The following CHURC1 variants were observed in gnomAD, a reference collection of about 807,000 sequenced individuals.
CHURC1 encodes the protein protein Churchill.
CHURC1 carries 12 observed loss-of-function variants against 15.4 expected under a neutral mutation model. That is an observed-to-expected ratio of 0.78 (90% CI 0.50 to 1.27). The LOEUF is 1.27. Among genes scored for constraint, CHURC1 ranks in the 50% most tolerant of loss-of-function variants. CHURC1 has a pLI of 0.00. For synonymous variants in CHURC1, 42 were observed against 47.5 expected (o/e 0.88, Z 0.48); for missense variants, 132 against 137.8 (o/e 0.96, Z 0.21).
At chr14:64,921,459 C>G (rs901923551) in intron 1 of CHURC1, among the ~76,000 whole-genome samples, 2 of 138,964 alleles carry the variant, frequency 1.4e-5, no homozygotes, top group Non-Finnish European at 3.1e-5. Flanking sequence ...ATATAAAGAA[C>G]TCTTACAACT....
intron 3 of CHURC1, among the ~76,000 whole-genome samples, chr14:64,930,160 C>T (rs765156448): frequency 9.2e-5 from 14 of 152,154 alleles, no homozygotes; most frequent in Admixed American, 9.2e-4. Flanking sequence ...GGTAATTCCG[C>T]CCACTCTGCT....
Position 64,933,565 on chromosome 14 carries a change from A to G in CHURC1, c.*1335A>G. ...GGACTAACAAAAATTGATATAATACATTCATCACAGTATTGTTAGGAGATT... is the reference window on the plus strand; with the variant it reads ...GGACTAACAAAAATTGATATAATACGTTCATCACAGTATTGTTAGGAGATT... On this transcript the variant is annotated 3_prime_UTR_variant, in exon 4 of 4. Transcript: ENST00000549115. 2.1e-6 allele frequency: 2 copies of G among 974,948 alleles called. No individual in the cohort carries two copies. Among genetic ancestry groups the G allele is most frequent in the Non-Finnish European group, 1.2e-6 (1 of 820,492 alleles). The allele number at this position is 974,948 out of a possible 1,614,324, so 60.4% of individuals were successfully genotyped here.
rs1555383575 is a variant in CHURC1, at chr14:64,926,050, G to GTATA, written c.217_220dup (p.Thr74IlefsTer8). On this transcript the variant is annotated frameshift_variant, in exon 3 of 4. Transcript: ENST00000549115. LOFTEE classifies it high-confidence loss of function. The stretch of plus-strand genomic sequence containing the variant: ...GTCATCATGTAATAGCCAGACATGA[G>GTATA]TATACATTCAGTATCATGGATGAAT... The GTATA allele has an allele frequency of 1.2e-6, 2 of 1,601,020 alleles. No individual in the cohort carries two copies. The highest frequency in any genetic ancestry group is 1.7e-6 in the Non-Finnish European group (2 of 1,174,666).
intron 3 of CHURC1, among the ~76,000 whole-genome samples, chr14:64,929,253 C>T (rs970583123): frequency 6.6e-6 from 1 of 152,164 alleles, no homozygotes; most frequent in African/African-American, 2.4e-5. Context: ...CATATTCATG[C>T]CTTTTCCTTG....
intron 1 of CHURC1, among the ~76,000 whole-genome samples, chr14:64,920,736 T>C (rs950172467): frequency 5.9e-5 from 9 of 152,244 alleles, no homozygotes; most frequent in South Asian, 2.1e-4. Flanking sequence ...TTCAGAGTTA[T>C]ATTTATTTGA....
At position 64,934,952 on chromosome 14, in the gene CHURC1, C is replaced by T; in HGVS notation, c.*2722C>T. 1.0e-6 allele frequency: 1 copy of T among 984,326 alleles called. No homozygotes were observed. Among genetic ancestry groups the T allele is most frequent in the Non-Finnish European group, 1.2e-6 (1 of 829,018 alleles). The allele number at this position is 984,326 out of a possible 1,614,324, so 61.0% of individuals were successfully genotyped here. On this transcript the variant is annotated 3_prime_UTR_variant, in exon 4 of 4. Transcript: ENST00000549115. ...GTGTTTTGTGATATTTTATCATTTT[C>T]TAGATTCTTATGTGGATCTAATAAC...
At chr14:64,932,099 C>T in intron 3 of CHURC1, 39 bp from the exon 4 acceptor site, 3 of 1,590,214 alleles carry the variant, frequency 1.9e-6, no homozygotes, top group East Asian at 2.3e-5. Context: ...ATCTTTTTCC[C>T]TGTTCCTCTA....
intron 1 of CHURC1, among the ~76,000 whole-genome samples, chr14:64,921,294 A>G (rs1366562258): frequency 6.6e-6 from 1 of 152,198 alleles, no homozygotes; most frequent in East Asian, 1.9e-4. Flanking sequence ...GTAGGCAGAG[A>G]TGTCTTAGGA....
In CHURC1 at chr14:64,930,370, C is replaced by T. The variant is rs191775318; in HGVS notation, c.247-1768C>T. On this transcript the variant is annotated intron_variant, in intron 3 of 3. Transcript: ENST00000549115. ...CTAGACATATTTTCCCACAGAAGCA[C>T]TTCTATATATGGTTAGATTCTATGG... Among the ~76,000 whole-genome samples, 100 of 152,302 alleles carry T rather than the reference C, an allele frequency of 6.6e-4. 2 individuals are homozygous for T. Among genetic ancestry groups the T allele is most frequent in the East Asian group, 1.9e-4 (1 of 5,192 alleles).
At chr14:64,928,678 G>A (rs372418015) in intron 3 of CHURC1, among the ~76,000 whole-genome samples, 22 of 140,292 alleles carry the variant, frequency 1.6e-4, no homozygotes, top group Middle Eastern at 3.5e-3. Context: ...CACATCCTGT[G>A]ACTGCCTTAG....
rs745644580 is a variant in CHURC1 at position 64,932,220 on chromosome 14, T to C, written c.329T>C (p.Leu110Pro). Residue 110 changes from leucine to proline, a missense_variant, in exon 4 of 4, where the codon CTC becomes CCC. Leu to Pro is a moderately conservative substitution (Grantham distance 98). Transcript: ENST00000549115. Reference sequence around the variant, plus strand: ...CCTGATGACCCCCGACAAATGACTCTCTTATTCTAAGGATCCTTCTACAGA... The same window carrying C: ...CCTGATGACCCCCGACAAATGACTCCCTTATTCTAAGGATCCTTCTACAGA... ...ILPDDPRQMT[L>P]LF The C allele has an allele frequency of 6.2e-7, 1 of 1,614,096 alleles. No homozygotes were observed. The highest frequency in any genetic ancestry group is 8.5e-7 in the Non-Finnish European group (1 of 1,179,954).
intron 1 of CHURC1, among the ~76,000 whole-genome samples, chr14:64,922,469 T>G (rs937857671): frequency 3.3e-5 from 5 of 151,238 alleles, no homozygotes; most frequent in Non-Finnish European, 7.4e-5. Flanking sequence ...TCCCAGCTAC[T>G]TGGGAAGCTG....
intron 1 of CHURC1, among the ~76,000 whole-genome samples, chr14:64,917,300 C>G (rs1044881054): frequency 3.3e-5 from 5 of 152,202 alleles, no homozygotes; most frequent in African/African-American, 9.6e-5. Context: ...CGGTGGCTCA[C>G]GCCTATAATC....
At chr14:64,915,876 T>C (rs1480324483) in intron 1 of CHURC1, among the ~76,000 whole-genome samples, 4 of 152,146 alleles carry the variant, frequency 2.6e-5, no homozygotes, top group African/African-American at 9.7e-5. Context: ...GAATGAGGAA[T>C]GGAAGTGAAT....
At position 64,932,232 on chromosome 14, in the gene CHURC1, G is replaced by T; in HGVS notation, c.*2G>T. ...CGACAAATGACTCTCTTATTCTAAG[G>T]ATCCTTCTACAGATCTGTTATAACT... On this transcript the variant is annotated 3_prime_UTR_variant, in exon 4 of 4. Transcript: ENST00000549115. 2 of 1,613,610 alleles carry T rather than the reference G, an allele frequency of 1.2e-6. No individual in the cohort carries two copies. Among genetic ancestry groups the T allele is most frequent in the Non-Finnish European group, 1.7e-6 (2 of 1,179,730 alleles).
intron 2 of CHURC1, among the ~76,000 whole-genome samples, chr14:64,925,438 C>G (rs1304931047): frequency 6.6e-6 from 1 of 151,844 alleles, no homozygotes; most frequent in Non-Finnish European, 1.5e-5. Flanking sequence ...TTTAGGAGGC[C>G]CAGGAGGGTG....
rs1566833422 is a variant in CHURC1, at chr14:64,933,639, A to T, written c.*1409A>T. 1.0e-6 allele frequency: 1 copy of T among 985,308 alleles called. No individual in the cohort carries two copies. The highest frequency in any genetic ancestry group is 6.1e-5 in the Admixed American group (1 of 16,266). 61.0% of individuals were successfully genotyped at this position (985,308 alleles called of 1,614,324 possible). A position where few individuals can be genotyped will look rare whatever the true frequency, so the allele number is the denominator to read the frequency against. On this transcript the variant is annotated 3_prime_UTR_variant, in exon 4 of 4. Coordinates refer to ENST00000549115, the MANE Select transcript of CHURC1 (RefSeq NM_001386928.1). The stretch of plus-strand genomic sequence containing the variant: ...TACTTTAGAAAGCATGTAAAGTACT[A>T]GAAACAATGAGGTGGCTTCAATTAG...
At chr14:64,927,572 G>A (rs4902339) in intron 3 of CHURC1, among the ~76,000 whole-genome samples, 70,424 of 151,806 alleles carry the variant, frequency 0.46, 20,285 homozygotes, top group African/African-American at 0.81. Flanking sequence ...GAATGCAGCC[G>A]TTTTCAAAGC....
intron 2 of CHURC1, 118 bp from the exon 3 acceptor site, chr14:64,925,892 G>C: frequency 3.0e-6 from 2 of 666,746 alleles, no homozygotes; most frequent in South Asian, 6.4e-5. Context: ...TTCCTCCTAT[G>C]TTAAATATGA....
Sources: allele counts gnomAD v4.1 joint callset (sites outside exome capture counted in the v4.1 genomes callset), GRCh38; gene constraint gnomAD v4.1.1; transcripts MANE v1.5; gene names NCBI Gene and HGNC (gene_info 2026-07-23, HGNC 2026-07-21).